The following PLCB4 variants were observed in gnomAD, a reference collection of about 807,000 sequenced individuals.
PLCB4 encodes phospholipase C beta 4.
PLCB4 carries 77 observed loss-of-function variants against 178.8 expected under a neutral mutation model. That is an observed-to-expected ratio of 0.43 (90% CI 0.36 to 0.52). PLCB4 has a LOEUF of 0.52. PLCB4 is among the 20% of genes least tolerant of loss of function. The probability of loss-of-function intolerance (pLI) is 0.00; values close to 1 mark genes in which losing one functional copy is unlikely to be tolerated. For synonymous variants in PLCB4, 496 were observed against 490.8 expected, an observed-to-expected ratio of 1.01 and a Z score of -0.14; for missense variants, 1,024 against 1,453.4, an observed-to-expected ratio of 0.70 and a Z score of 4.80.
At chr20:9,418,632 C>T (rs1179701673) in intron 25 of PLCB4, among the ~76,000 whole-genome samples, 1 of 152,070 alleles carries the variant, frequency 6.6e-6, no homozygotes, top group African/African-American at 2.4e-5. Context: ...TCTCTTTTAA[C>T]ATTGTTTTGG....
In PLCB4 at chr20:9,360,243, T is replaced by A. The variant is rs550922144; in HGVS notation, c.370-2653T>A. On this transcript the variant is annotated intron_variant, in intron 7 of 39. Transcript: ENST00000378473. ...AGGGCTTCTGAGGATGCTGGTGGCATTTCCTACTAACTAAAGCATGGGCCC... is the reference window on the plus strand; with the variant it reads ...AGGGCTTCTGAGGATGCTGGTGGCAATTCCTACTAACTAAAGCATGGGCCC... Among the ~76,000 whole-genome samples, 109 of 152,304 alleles carry A rather than the reference T, an allele frequency of 7.2e-4. 3 individuals are homozygous for A. Among genetic ancestry groups the A allele is most frequent in the Admixed American group, 7.1e-3 (109 of 15,298 alleles).
intron 2 of PLCB4, among the ~76,000 whole-genome samples, chr20:9,182,031 G>A (rs1195805644): frequency 6.6e-6 from 1 of 152,194 alleles, no homozygotes; most frequent in Non-Finnish European, 1.5e-5. Context: ...GGAGTTGAGA[G>A]GGCGGTGTCT....
At chr20:9,422,951 C>G (rs951233274) in intron 27 of PLCB4, among the ~76,000 whole-genome samples, 2 of 152,166 alleles carry the variant, frequency 1.3e-5, no homozygotes, top group Admixed American at 6.5e-5. Context: ...TCAGATCAAG[C>G]AAGATGTCCT....
At chr20:9,408,130 T>A in intron 22 of PLCB4, 72 bp downstream of exon 22, 1 of 1,297,940 alleles carries the variant, frequency 7.7e-7, no homozygotes, top group Non-Finnish European at 1.1e-6. Context: ...AGCTTTTATC[T>A]AATTTGTTGC....
chr20:9,438,496 G>A (rs2041919471), intron 30 of PLCB4, among the ~76,000 whole-genome samples: 1 of 152,144 alleles, frequency 6.6e-6, no homozygotes, highest in Admixed American at 6.5e-5. Context: ...ATTGAGAGAA[G>A]TAGAGGAGTT....
chr20:9,312,066 CCTTCTTGACA>C (rs2147898644), intron 4 of PLCB4, among the ~76,000 whole-genome samples: 1 of 152,196 alleles, frequency 6.6e-6, no homozygotes, highest in Admixed American at 6.5e-5. Flanking sequence ...TTCCATTCTC[CCTTCTTGACA>C]CTAAGAAGCA....
chr20:9,213,524 T>C (rs2093696216), intron 2 of PLCB4, among the ~76,000 whole-genome samples: 1 of 152,236 alleles, frequency 6.6e-6, no homozygotes, highest in Non-Finnish European at 1.5e-5. Flanking sequence ...TAATATTCTA[T>C]TATGTGAACG....
At chr20:9,294,289 G>A (rs904957507) in intron 3 of PLCB4, among the ~76,000 whole-genome samples, 1 of 152,080 alleles carries the variant, frequency 6.6e-6, no homozygotes, top group Non-Finnish European at 1.5e-5. Context: ...TGTTGTGTTG[G>A]CTGAGGGTTT....
intron 2 of PLCB4, among the ~76,000 whole-genome samples, chr20:9,156,504 T>C (rs528576305): frequency 2.6e-5 from 4 of 152,266 alleles, no homozygotes; most frequent in Admixed American, 1.3e-4. Flanking sequence ...ATATTCATGC[T>C]GAAGGACTAA....
At chr20:9,443,764 G>C (rs998891488) in intron 30 of PLCB4, among the ~76,000 whole-genome samples, 7 of 151,876 alleles carry the variant, frequency 4.6e-5, no homozygotes, top group African/African-American at 9.7e-5. Flanking sequence ...CCCCTTCTCA[G>C]GCTCTGCTTG....
At chr20:9,380,613 G>T (rs2037062626) in intron 13 of PLCB4, among the ~76,000 whole-genome samples, 1 of 152,180 alleles carries the variant, frequency 6.6e-6, no homozygotes, top group Non-Finnish European at 1.5e-5. Context: ...TGGTATGAAA[G>T]ATAAATACAA....
At chr20:9,103,206 G>A (rs2091240051) in intron 2 of PLCB4, among the ~76,000 whole-genome samples, 1 of 151,588 alleles carries the variant, frequency 6.6e-6, no homozygotes. Flanking sequence ...CAAACTTTTT[G>A]GTCTAAGACC....
intron 1 of PLCB4, among the ~76,000 whole-genome samples, chr20:9,082,108 T>C (rs1235147616): frequency 2.2e-5 from 2 of 92,868 alleles, no homozygotes; most frequent in Non-Finnish European, 5.0e-5. Flanking sequence ...AACCTGGAAT[T>C]AGAAAAAAAA....
intron 2 of PLCB4, among the ~76,000 whole-genome samples, chr20:9,139,037 T>G (rs1187097470): frequency 1.3e-5 from 2 of 152,098 alleles, no homozygotes; most frequent in Non-Finnish European, 2.9e-5. Context: ...TGAGGTCTCA[T>G]GAAGTACAGG....
chr20:9,185,659 G>A (rs1221153656), intron 2 of PLCB4, among the ~76,000 whole-genome samples: 1 of 152,108 alleles, frequency 6.6e-6, no homozygotes, highest in African/African-American at 2.4e-5. Context: ...ATCTGACTCC[G>A]AGTAAAAGCC....
chr20:9,218,459 T>C (rs2093758374), intron 3 of PLCB4, among the ~76,000 whole-genome samples: 1 of 152,198 alleles, frequency 6.6e-6, no homozygotes, highest in Non-Finnish European at 1.5e-5. Context: ...CTATGTATCA[T>C]TTCTTACCTT....
chr20:9,214,590 C>CACAT (rs1477957467), intron 2 of PLCB4, among the ~76,000 whole-genome samples: 2 of 151,864 alleles, frequency 1.3e-5, no homozygotes, highest in African/African-American at 4.8e-5. Context: ...CACACACACA[C>CACAT]ACAGCCTCTG....
Position 9,311,816 on chromosome 20 carries a change from A to G in PLCB4, c.84+3918A>G, listed in dbSNP as rs560752285. Among the ~76,000 whole-genome samples the G allele has an allele frequency of 3.9e-5, 6 of 152,340 alleles. No individual in the cohort carries two copies. The South Asian group carries it at 1.2e-3, about 32-fold the overall frequency. ...CTTTATTCTTAAGAAGGAGACTGCCATCATAGATAAGTGTTCACCAACAGA... is the reference window on the plus strand; with the variant it reads ...CTTTATTCTTAAGAAGGAGACTGCCGTCATAGATAAGTGTTCACCAACAGA... On this transcript the variant is annotated intron_variant, in intron 4 of 39. Transcript: ENST00000378473.
At chr20:9,152,200 C>G (rs2092703129) in intron 2 of PLCB4, among the ~76,000 whole-genome samples, 1 of 152,214 alleles carries the variant, frequency 6.6e-6, no homozygotes, top group African/African-American at 2.4e-5. Flanking sequence ...AAAAGAAAAA[C>G]CCATTTTCTG....
Sources: allele counts gnomAD v4.1 joint callset (sites outside exome capture counted in the v4.1 genomes callset), GRCh38; gene constraint gnomAD v4.1.1; transcripts MANE v1.5; gene names NCBI Gene and HGNC (gene_info 2026-07-23, HGNC 2026-07-21).